Variants in PLCB4 observed in about 807,000 individuals in gnomAD.
PLCB4 encodes phospholipase C beta 4.
Under a neutral mutation model 178.8 loss-of-function variants are expected in PLCB4, and 77 were observed. The ratio of observed to expected loss-of-function variants is 0.43; its 90% CI spans 0.36 to 0.52. PLCB4 has a LOEUF of 0.52. PLCB4 is among the 20% of genes least tolerant of loss of function. The probability of loss-of-function intolerance (pLI) is 0.00; values close to 1 mark genes in which losing one functional copy is unlikely to be tolerated. For synonymous variants in PLCB4, 496 were observed against 490.8 expected (o/e 1.01, Z -0.14); for missense variants, 1,024 against 1,453.4 (o/e 0.70, Z 4.80).
At chr20:9,436,366 T>G (rs2148643692) in intron 29 of PLCB4, among the ~76,000 whole-genome samples, 1 of 152,342 alleles carries the variant, frequency 6.6e-6, no homozygotes, top group East Asian at 1.9e-4. Flanking sequence ...TATTTATTTT[T>G]TAACAGATAG....
At chr20:9,377,076 T>A (rs1352085046) in intron 12 of PLCB4, among the ~76,000 whole-genome samples, 1 of 152,184 alleles carries the variant, frequency 6.6e-6, no homozygotes, top group African/African-American at 2.4e-5. Context: ...ATTCCTTCTA[T>A]ATTTTTAAAA....
At position 9,422,692 on chromosome 20, in the gene PLCB4, G is replaced by A. The variant is rs187126303; in HGVS notation, c.2320-1056G>A. On this transcript the variant is annotated intron_variant, in intron 27 of 39. Transcript: ENST00000378473. ...TTCTCTGTTCTTCAGAAGTTAAATC[G>A]TTTTTTTCATTGCTAGCAAGTGCTT... 5.2e-3 allele frequency among the ~76,000 whole-genome samples: 788 copies of A among 152,194 alleles called. 2 individuals carry two copies. The highest frequency in any genetic ancestry group is 7.4e-3 in the Non-Finnish European group (504 of 67,998).
At chr20:9,314,828 T>A (rs1395584039) in intron 4 of PLCB4, among the ~76,000 whole-genome samples, 1 of 151,766 alleles carries the variant, frequency 6.6e-6, no homozygotes, top group Non-Finnish European at 1.5e-5. Context: ...CTTCCTTCAC[T>A]CACCCTCTTA....
intron 3 of PLCB4, among the ~76,000 whole-genome samples, chr20:9,244,976 G>A (rs1005229632): frequency 6.6e-6 from 1 of 152,158 alleles, no homozygotes; most frequent in African/African-American, 2.4e-5. Context: ...TCTGTCAGCT[G>A]ACATGTTGGC....
intron 4 of PLCB4, among the ~76,000 whole-genome samples, chr20:9,320,552 C>G (rs551890124): frequency 3.5e-4 from 53 of 152,286 alleles, no homozygotes; most frequent in African/African-American, 1.2e-3. Flanking sequence ...GTCTCAGCCT[C>G]GTTTTACCCA....
At chr20:9,245,418 T>C (rs2094114590) in intron 3 of PLCB4, among the ~76,000 whole-genome samples, 1 of 152,140 alleles carries the variant, frequency 6.6e-6, no homozygotes, top group Non-Finnish European at 1.5e-5. Context: ...AAAGATGTGA[T>C]TAAGTTAAGG....
chr20:9,435,273 C>T (rs772610353), intron 28 of PLCB4, among the ~76,000 whole-genome samples: 3 of 152,260 alleles, frequency 2.0e-5, no homozygotes, highest in African/African-American at 7.2e-5. Flanking sequence ...AGAACCCACA[C>T]ACTTCACTCA....
At chr20:9,109,833 A>G (rs1302358273) in intron 2 of PLCB4, among the ~76,000 whole-genome samples, 1 of 152,168 alleles carries the variant, frequency 6.6e-6, no homozygotes, top group African/African-American at 2.4e-5. Context: ...TTACAGCTTC[A>G]AAATCTCAGT....
intron 2 of PLCB4, among the ~76,000 whole-genome samples, chr20:9,149,475 T>G (rs1337499066): frequency 1.3e-5 from 2 of 152,166 alleles, no homozygotes; most frequent in East Asian, 3.9e-4. Context: ...TAATAACGAT[T>G]TATTGAATTT....
intron 18 of PLCB4, 98 bp downstream of exon 18, chr20:9,393,776 G>A (rs541098352): frequency 1.3e-6 from 1 of 787,782 alleles, no homozygotes; most frequent in South Asian, 1.6e-5. Flanking sequence ...ACTGATTTTT[G>A]GGGGAAGGGT....
intron 3 of PLCB4, 57 bp downstream of exon 3, chr20:9,217,509 A>C (rs1037300564): frequency 6.6e-6 from 1 of 152,226 alleles, no homozygotes; most frequent in Non-Finnish European, 1.5e-5. Flanking sequence ...TAGAACTTTC[A>C]GTCTGTAAGA....
chr20:9,190,145 T>C (rs78889663), intron 2 of PLCB4, among the ~76,000 whole-genome samples: 2 of 152,254 alleles, frequency 1.3e-5, no homozygotes, highest in Non-Finnish European at 2.9e-5. Flanking sequence ...GGAACAAAGA[T>C]GGGACCAGGG....
At chr20:9,108,745 T>C (rs2091461603) in intron 2 of PLCB4, among the ~76,000 whole-genome samples, 1 of 151,978 alleles carries the variant, frequency 6.6e-6, no homozygotes, top group Non-Finnish European at 1.5e-5. Flanking sequence ...CAATTTTACA[T>C]GTCCTGTCAG....
chr20:9,150,476 A>G (rs1375325299), intron 2 of PLCB4, among the ~76,000 whole-genome samples: 2 of 152,182 alleles, frequency 1.3e-5, no homozygotes, highest in African/African-American at 2.4e-5. Context: ...AATATGGCTT[A>G]CCCATAGGTT....
At chr20:9,436,476 T>C (rs2041778823) in intron 29 of PLCB4, among the ~76,000 whole-genome samples, 1 of 152,202 alleles carries the variant, frequency 6.6e-6, no homozygotes, top group Admixed American at 6.5e-5. Flanking sequence ...CTCAGCCTCC[T>C]CAGCAGTTGG....
intron 2 of PLCB4, among the ~76,000 whole-genome samples, chr20:9,214,560 G>GACACACACACACACACACAC: frequency 6.9e-6 from 1 of 145,596 alleles, no homozygotes; most frequent in African/African-American, 2.5e-5. Context: ...AAACACCCCA[G>GACACACACACACACACACAC]ACACACACAC....
intron 2 of PLCB4, among the ~76,000 whole-genome samples, chr20:9,128,963 G>A (rs2092203867): frequency 6.6e-6 from 1 of 152,116 alleles, no homozygotes; most frequent in Non-Finnish European, 1.5e-5. Context: ...TTAGAATGAT[G>A]TGCTCAAGGT....
chr20:9,287,861 T>C (rs181970157), intron 3 of PLCB4, among the ~76,000 whole-genome samples: 3 of 152,268 alleles, frequency 2.0e-5, no homozygotes, highest in East Asian at 1.9e-4. Context: ...AGATCTCTTA[T>C]GTTTTTCTTT....
At position 9,185,095 on chromosome 20, in the gene PLCB4, G is replaced by A. The variant is rs549532983; in HGVS notation, c.-78-32295G>A. ...GTGCCACCATGCCCCACTGGTAGGGGTCTCACTATGTAGTGCAGGTTGGTC... is the reference window on the plus strand; with the variant it reads ...GTGCCACCATGCCCCACTGGTAGGGATCTCACTATGTAGTGCAGGTTGGTC... On this transcript the variant is annotated intron_variant, in intron 2 of 39. Transcript: ENST00000378473. Among the ~76,000 whole-genome samples the A allele has an allele frequency of 4.6e-5, 7 of 152,174 alleles. No individual in the cohort carries two copies. In the South Asian group the frequency reaches 1.2e-3, roughly 27 times the overall value.
Sources: gnomAD v4.1 joint callset for allele counts (sites outside exome capture counted in the v4.1 genomes callset) on GRCh38, gnomAD v4.1.1 for gene constraint, MANE v1.5 for transcripts, NCBI Gene and HGNC (gene_info 2026-07-23, HGNC 2026-07-21) for gene names.